Variants in INHBC observed in about 807,000 individuals in gnomAD.
INHBC encodes the protein inhibin beta C chain.
A neutral mutation model predicts 12.4 loss-of-function variants in INHBC; 10 were observed. The ratio of observed to expected loss-of-function variants is 0.81; its 90% CI spans 0.50 to 1.37. INHBC has a LOEUF of 1.37. INHBC is among the 40% of genes most tolerant of loss of function. The pLI, the probability that INHBC is intolerant of heterozygous loss-of-function variation, is 0.00. For synonymous variants in INHBC, 147 were observed against 171.6 expected (o/e 0.86, Z 1.12); for missense variants, 382 against 439.4 (o/e 0.87, Z 1.17).
At chr12:57,448,567 TAAAAAA>T (rs10577805) in intron 1 of INHBC, among the ~76,000 whole-genome samples, 4 of 121,596 alleles carry the variant, frequency 3.3e-5, no homozygotes, top group Admixed American at 8.3e-5. Context: ...AGACTCCGTC[TAAAAAA>T]AAAAAAAAAA....
intron 1 of INHBC, among the ~76,000 whole-genome samples, chr12:57,437,688 AAG>A (rs1870373815): frequency 6.6e-6 from 1 of 151,292 alleles, no homozygotes; most frequent in Non-Finnish European, 1.5e-5. Context: ...AAAAAAAAGA[AAG>A]AAAGAAAATG....
chr12:57,449,354 C>T lies in INHBC; in HGVS notation c.391C>T (p.Gln131Ter). ...AACTGCTGGTGACAGGGAGGTCCAG[C>T]AGGCCAGTCTCATGTTCTTTGTGCA... ...DRTAGDREVQ[Q>*]ASLMFFVQLP... Residue 131 changes from glutamine (Q) to a stop codon, truncating the protein, a stop_gained, in exon 2 of 2, where the codon CAG becomes TAG. Transcript: ENST00000309668. LOFTEE classifies it low-confidence loss of function (END_TRUNC). 2.5e-6 allele frequency: 4 copies of T among 1,614,214 alleles called. No individual in the cohort carries two copies. The highest frequency in any genetic ancestry group is 3.4e-6 in the Non-Finnish European group (4 of 1,180,034).
In INHBC at chr12:57,449,848, C is replaced by T. The variant is rs1870671441; in HGVS notation, c.885C>T (p.His295=). ...AGMPGIAASF[H]TAVLNLLKAN... ...TGCCTGGTATTGCTGCCTCCTTTCA[C>T]ACTGCAGTGCTCAATCTTCTCAAGG... Residue 295 remains histidine (H), a synonymous_variant, in exon 2 of 2, where the codon CAC becomes CAT. Coordinates refer to ENST00000309668, the MANE Select transcript of INHBC (RefSeq NM_005538.4). 2 of 1,612,572 alleles carry T rather than the reference C, an allele frequency of 1.2e-6. No homozygotes were observed. Among genetic ancestry groups the T allele is most frequent in the African/African-American group, 2.7e-5 (2 of 75,054 alleles).
chr12:57,438,416 A>T (rs890165739), intron 1 of INHBC, among the ~76,000 whole-genome samples: 1 of 152,148 alleles, frequency 6.6e-6, no homozygotes, highest in Non-Finnish European at 1.5e-5. Flanking sequence ...CAAAGGCTCC[A>T]CTTCCTAATA....
intron 1 of INHBC, among the ~76,000 whole-genome samples, chr12:57,442,871 A>C (rs1812639714): frequency 6.6e-6 from 1 of 151,622 alleles, no homozygotes; most frequent in Non-Finnish European, 1.5e-5. Flanking sequence ...GGTGCCTCTA[A>C]TCCCAGCTAC....
At position 57,450,058 on chromosome 12, in the gene INHBC, G is replaced by A; in HGVS notation, c.*36G>A. 1.4e-6 allele frequency: 2 copies of A among 1,476,916 alleles called. No individual in the cohort carries two copies. Among genetic ancestry groups the A allele is most frequent in the Non-Finnish European group, 1.8e-6 (2 of 1,119,142 alleles). The allele number at this position is 1,476,916 out of a possible 1,614,324, so 91.5% of individuals were successfully genotyped here. The stretch of plus-strand genomic sequence containing the variant: ...GTATGGGCAGCCCAAGGTTGCATGG[G>A]AAAACACGCCCCTACAGAAGTGCAC... On this transcript the variant is annotated 3_prime_UTR_variant, in exon 2 of 2. Transcript: ENST00000309668.
chr12:57,435,004 C>A lies in INHBC; in HGVS notation c.118C>A (p.Arg40=). 1 of 1,614,150 alleles carries A rather than the reference C, an allele frequency of 6.2e-7. No homozygotes were observed. The highest frequency in any genetic ancestry group is 8.5e-7 in the Non-Finnish European group (1 of 1,180,040). Residue 40 remains arginine (R), a synonymous_variant, in exon 1 of 2, where the codon CGG becomes AGG. Transcript: ENST00000309668. ...GGPTLELESQ[R]ELLLDLAKRS... is the part of the protein sequence containing the mutation. ...GCCCACCTTGGAACTGGAGAGCCAGCGGGAGCTGCTTCTTGATCTGGCCAA... is the reference window on the plus strand; with the variant it reads ...GCCCACCTTGGAACTGGAGAGCCAGAGGGAGCTGCTTCTTGATCTGGCCAA...
In INHBC at chr12:57,449,655, A is replaced by G. The variant is rs1566551882; in HGVS notation, c.692A>G (p.His231Arg). ...VAARVRVGGKHQIHRRGIDCQ... is the reference protein window; with the variant it reads ...VAARVRVGGKRQIHRRGIDCQ... ...GCCCGGGTGAGAGTTGGGGGCAAAC[A>G]CCAGATTCACCGACGAGGCATCGAC... Residue 231 changes from histidine to arginine, a missense_variant, in exon 2 of 2, where the codon CAC becomes CGC. Coordinates refer to ENST00000309668, the MANE Select transcript of INHBC (RefSeq NM_005538.4). The G allele has an allele frequency of 1.2e-6, 2 of 1,614,174 alleles. No homozygotes were observed. Among genetic ancestry groups the G allele is most frequent in the African/African-American group, 1.3e-5 (1 of 75,024 alleles).
At chr12:57,437,804 G>GTT (rs1870378844) in intron 1 of INHBC, among the ~76,000 whole-genome samples, 1 of 151,246 alleles carries the variant, frequency 6.6e-6, no homozygotes, top group Non-Finnish European at 1.5e-5. Context: ...TTGTTTGTTT[G>GTT]AGATGGAGTC....
intron 1 of INHBC, 41 bp downstream of exon 1, chr12:57,435,240 C>T (rs748738561): frequency 3.7e-5 from 57 of 1,550,830 alleles, no homozygotes; most frequent in Non-Finnish European, 4.3e-5. Context: ...AACTTGACCC[C>T]TCAAGGAAAG....
In INHBC at chr12:57,437,395, C is replaced by T. The variant is rs542788969; in HGVS notation, c.313+2196C>T. On this transcript the variant is annotated intron_variant, in intron 1 of 1. Coordinates refer to ENST00000309668, the MANE Select transcript of INHBC (RefSeq NM_005538.4). ...TAGAAAATGCAAATTGAAGGCCGGGCGCGGTGGCTCACGCCTGTAATCCTA... is the reference window on the plus strand; with the variant it reads ...TAGAAAATGCAAATTGAAGGCCGGGTGCGGTGGCTCACGCCTGTAATCCTA... Among the ~76,000 whole-genome samples the T allele has an allele frequency of 2.4e-4, 36 of 152,166 alleles. 1 individual carries two copies. In the South Asian group the frequency reaches 5.8e-3, roughly 25 times the overall value.
intron 1 of INHBC, among the ~76,000 whole-genome samples, chr12:57,443,172 C>A (rs1195886026): frequency 8.5e-6 from 1 of 118,060 alleles, no homozygotes; most frequent in African/African-American, 3.4e-5. Flanking sequence ...TGCTGGAGTG[C>A]AGTGGTGCGA....
rs760844502 is a variant in INHBC, at chr12:57,448,931, G to A, written c.314-346G>A. Among the ~76,000 whole-genome samples, 35 of 152,182 alleles carry A rather than the reference G, an allele frequency of 2.3e-4. 1 individual carries two copies. The highest frequency in any genetic ancestry group is 1.8e-4 in the Non-Finnish European group (12 of 68,036). ...CAAGATCAAGGGGCTGGCATCTGGC[G>A]AGGGCCTTCTTGCTTCTTGCTGTGT... On this transcript the variant is annotated intron_variant, in intron 1 of 1. Coordinates refer to ENST00000309668, the MANE Select transcript of INHBC (RefSeq NM_005538.4).
At chr12:57,443,113 CT>C (rs34935222) in intron 1 of INHBC, among the ~76,000 whole-genome samples, 129 of 72,398 alleles carry the variant, frequency 1.8e-3, no homozygotes, top group African/African-American at 4.3e-3. Context: ...ATAAAGCACT[CT>C]TTTTTTTTTT....
intron 1 of INHBC, among the ~76,000 whole-genome samples, chr12:57,435,568 C>T (rs1341578187): frequency 6.6e-6 from 1 of 152,100 alleles, no homozygotes; most frequent in Non-Finnish European, 1.5e-5. Context: ...TTTCTCTGGC[C>T]CCAGGATCTA....
At position 57,449,618 on chromosome 12, in the gene INHBC, C is replaced by T; in HGVS notation, c.655C>T (p.Pro219Ser). ...SVILGGAAHR[P>S]FVAARVRVGG... ...CATCCTGGGTGGAGCTGCCCATAGG[C>T]CTTTTGTGGCAGCCCGGGTGAGAGT... The change falls in exon 2 of 2, where the codon CCT becomes TCT. Residue 219 changes from proline (P) to serine (S), a missense_variant. By Grantham distance (74) the Pro-to-Ser change is moderately conservative. Transcript: ENST00000309668. 1 of 1,614,238 alleles carries T rather than the reference C, an allele frequency of 6.2e-7. No individual in the cohort carries two copies. The highest frequency in any genetic ancestry group is 8.5e-7 in the Non-Finnish European group (1 of 1,180,036).
intron 1 of INHBC, among the ~76,000 whole-genome samples, chr12:57,437,778 G>GTGTTTGTT (rs61037641): frequency 0.054 from 8,158 of 150,070 alleles, 269 homozygotes; most frequent in East Asian, 0.1. Context: ...CCTCGTTTTT[G>GTGTTTGTT]TGTTTGTTTG....
Position 57,435,696 on chromosome 12 carries a change from T to C in INHBC, c.313+497T>C, listed in dbSNP as rs1373354910. On this transcript the variant is annotated intron_variant, in intron 1 of 1. Coordinates refer to ENST00000309668, the MANE Select transcript of INHBC (RefSeq NM_005538.4). ...TTCCCATATATACCTCAGGTCCCCATATCACAGAGAACAGGGTCAAAATGG... is the reference window on the plus strand; with the variant it reads ...TTCCCATATATACCTCAGGTCCCCACATCACAGAGAACAGGGTCAAAATGG... 2.0e-5 allele frequency among the ~76,000 whole-genome samples: 3 copies of C among 152,180 alleles called. No individual in the cohort carries two copies. In the East Asian group the frequency reaches 5.8e-4, roughly 29 times the overall value.
At chr12:57,437,778 G>GTGCT (rs1555324635) in intron 1 of INHBC, among the ~76,000 whole-genome samples, 1 of 150,006 alleles carries the variant, frequency 6.7e-6, no homozygotes, top group Non-Finnish European at 1.5e-5. Flanking sequence ...CCTCGTTTTT[G>GTGCT]TGTTTGTTTG....
Sources: gnomAD v4.1 joint callset for allele counts (sites outside exome capture counted in the v4.1 genomes callset) on GRCh38, gnomAD v4.1.1 for gene constraint, MANE v1.5 for transcripts, NCBI Gene and HGNC (gene_info 2026-07-23, HGNC 2026-07-21) for gene names.